The following PLA2R1 variants were observed in gnomAD, a reference collection of about 807,000 sequenced individuals.
PLA2R1 encodes phospholipase A2 receptor 1.
PLA2R1 carries 158 observed loss-of-function variants against 195.9 expected under a neutral mutation model. That is an observed-to-expected ratio of 0.81 (90% confidence interval 0.71 to 0.92). PLA2R1 has a LOEUF of 0.92. PLA2R1 is among the 40% of genes least tolerant of loss of function. PLA2R1 has a pLI of 0.00. For synonymous variants in PLA2R1, 586 were observed against 598.2 expected (o/e 0.98, Z 0.30); for missense variants, 1,626 against 1,764.6 (o/e 0.92, Z 1.41).
At chr2:159,953,899 T>C (rs951495141) in intron 23 of PLA2R1, among the ~76,000 whole-genome samples, 1 of 152,208 alleles carries the variant, frequency 6.6e-6, no homozygotes, top group Non-Finnish European at 1.5e-5. Context: ...AGTGGTGCGA[T>C]CTCGGCTCAC....
At chr2:159,983,605 A>G (rs1690122503) in intron 13 of PLA2R1, among the ~76,000 whole-genome samples, 2 of 152,116 alleles carry the variant, frequency 1.3e-5, no homozygotes, top group African/African-American at 4.8e-5. Flanking sequence ...GGGTTCCAGG[A>G]TTCTTGGGAT....
At chr2:160,054,926 G>T (rs1695440581) in intron 1 of PLA2R1, among the ~76,000 whole-genome samples, 1 of 152,194 alleles carries the variant, frequency 6.6e-6, no homozygotes, top group East Asian at 1.9e-4. Flanking sequence ...ATTACATGAG[G>T]ATTTGCAGCA....
At position 159,970,147 on chromosome 2, in the gene PLA2R1, C is replaced by A. The variant is rs748879814; in HGVS notation, c.2660+1G>T. The A allele has an allele frequency of 1.9e-6, 3 of 1,594,780 alleles. No individual in the cohort carries two copies. The highest frequency in any genetic ancestry group is 2.6e-6 in the Non-Finnish European group (3 of 1,165,088). ...AAATGCAAATGAATCTAGGTTCATA[C>A]CGAAATTCATCATTGGCTCTTTCTT... On this transcript the variant is annotated splice_donor_variant, in intron 18 of 29. Coordinates refer to ENST00000283243, the MANE Select transcript of PLA2R1 (RefSeq NM_007366.5). LOFTEE classifies it high-confidence loss of function.
intron 10 of PLA2R1, among the ~76,000 whole-genome samples, chr2:160,006,577 C>CGGAA (rs3063680): frequency 0.063 from 9,628 of 152,240 alleles, 555 homozygotes; most frequent in East Asian, 0.18. Flanking sequence ...TACATGCTTC[C>CGGAA]ACATGCACAC....
intron 17 of PLA2R1, among the ~76,000 whole-genome samples, chr2:159,975,291 C>T (rs1040263651): frequency 1.3e-5 from 2 of 152,098 alleles, no homozygotes; most frequent in African/African-American, 4.8e-5. Flanking sequence ...TACATTTTTG[C>T]ATCTTTGACA....
intron 29 of PLA2R1, 40 bp from the exon 30 acceptor site, chr2:159,942,032 G>T (rs1687111435): frequency 1.3e-6 from 2 of 1,564,786 alleles, no homozygotes; most frequent in East Asian, 2.2e-5. Context: ...AAAAACTTCA[G>T]TGGCGATGAA....
intron 11 of PLA2R1, among the ~76,000 whole-genome samples, chr2:159,989,304 C>T (rs1462773535): frequency 6.6e-6 from 1 of 152,164 alleles, no homozygotes; most frequent in Non-Finnish European, 1.5e-5. Context: ...GGATCATGAA[C>T]AGTACAAGAG....
intron 4 of PLA2R1, 113 bp downstream of exon 4, chr2:160,032,846 A>G: frequency 1.1e-6 from 1 of 915,022 alleles, no homozygotes; most frequent in Non-Finnish European, 1.7e-6. Flanking sequence ...ATATTATGGA[A>G]AGAAAAATAT....
chr2:159,977,438 AT>A, intron 14 of PLA2R1, 22 bp from the exon 15 acceptor site: 1 of 1,611,074 alleles, frequency 6.2e-7, no homozygotes, highest in Non-Finnish European at 8.5e-7. Context: ...GAAGTTCATT[AT>A]TCCTTAATGA....
intron 13 of PLA2R1, among the ~76,000 whole-genome samples, chr2:159,982,086 C>T (rs1269144597): frequency 6.6e-6 from 1 of 152,150 alleles, no homozygotes; most frequent in African/African-American, 2.4e-5. Context: ...GACATTTGAT[C>T]TTAAAGCAAA....
intron 17 of PLA2R1, among the ~76,000 whole-genome samples, chr2:159,971,818 C>G (rs75538585): frequency 0.014 from 2,204 of 152,214 alleles, 44 homozygotes; most frequent in African/African-American, 0.051. Context: ...CTCTAACAAT[C>G]TAATTTATAA....
intron 28 of PLA2R1, 45 bp from the exon 29 acceptor site, chr2:159,942,204 C>T: frequency 6.9e-7 from 1 of 1,454,726 alleles, no homozygotes; most frequent in Non-Finnish European, 9.6e-7. Flanking sequence ...TCTTTTAATT[C>T]AGCAAAAATA....
At position 159,981,929 on chromosome 2, in the gene PLA2R1, T is replaced by C. The variant is rs182032579; in HGVS notation, c.2183+1999A>G. 3.7e-3 allele frequency among the ~76,000 whole-genome samples: 569 copies of C among 152,296 alleles called. 1 individual carries two copies. Among genetic ancestry groups the C allele is most frequent in the African/African-American group, 0.013 (537 of 41,570 alleles). ...CCTGGCCTTAAGTGTTCCTCCCACCTTGGTGTCCCAAAGTGCTGTGACCCA... is the reference window on the plus strand; with the variant it reads ...CCTGGCCTTAAGTGTTCCTCCCACCCTGGTGTCCCAAAGTGCTGTGACCCA... On this transcript the variant is annotated intron_variant, in intron 13 of 29. Coordinates refer to ENST00000283243, the MANE Select transcript of PLA2R1 (RefSeq NM_007366.5).
chr2:159,951,808 C>A (rs1356955269), intron 23 of PLA2R1, among the ~76,000 whole-genome samples: 15 of 152,150 alleles, frequency 9.9e-5, no homozygotes, highest in Non-Finnish European at 2.9e-5. Flanking sequence ...ATAGATTGAA[C>A]CATTTCTAGA....
At chr2:159,993,523 A>G (rs1232853729) in intron 11 of PLA2R1, among the ~76,000 whole-genome samples, 1 of 151,770 alleles carries the variant, frequency 6.6e-6, no homozygotes. Flanking sequence ...ATAACAAACC[A>G]CAAACGACGA....
intron 9 of PLA2R1, among the ~76,000 whole-genome samples, chr2:160,015,951 T>C (rs1692711975): frequency 6.6e-6 from 1 of 152,200 alleles, no homozygotes; most frequent in Non-Finnish European, 1.5e-5. Flanking sequence ...AATTGTTTTA[T>C]GACATCTCAC....
chr2:159,975,240 T>C (rs1292317929), intron 17 of PLA2R1, among the ~76,000 whole-genome samples: 2 of 152,200 alleles, frequency 1.3e-5, no homozygotes, highest in Non-Finnish European at 2.9e-5. Flanking sequence ...TGTTTTAAAG[T>C]ATATATATCT....
intron 11 of PLA2R1, among the ~76,000 whole-genome samples, chr2:160,000,778 A>G (rs1691536592): frequency 6.6e-6 from 1 of 152,186 alleles, no homozygotes; most frequent in Non-Finnish European, 1.5e-5. Context: ...TAACACTGAA[A>G]ACTAAAAAAT....
At chr2:159,987,503 T>G in intron 11 of PLA2R1, 145 bp from the exon 12 acceptor site, 2 of 621,386 alleles carry the variant, frequency 3.2e-6, no homozygotes, top group Admixed American at 2.8e-5. Flanking sequence ...AATGTCTTAT[T>G]GACCTGATTA....
Sources: gnomAD v4.1 joint callset for allele counts (sites outside exome capture counted in the v4.1 genomes callset) on GRCh38, gnomAD v4.1.1 for gene constraint, MANE v1.5 for transcripts, NCBI Gene and HGNC (gene_info 2026-07-23, HGNC 2026-07-21) for gene names.